PALLD: variants seen among roughly 807,000 people sequenced by gnomAD.
PALLD encodes palladin.
PALLD carries 61 observed loss-of-function variants against 123.5 expected under a neutral mutation model. The ratio of observed to expected loss-of-function variants is 0.49; its 90% CI spans 0.40 to 0.61. PALLD has a LOEUF of 0.61. PALLD is among the 20% of genes least tolerant of loss of function. The probability of loss-of-function intolerance (pLI) is 0.00; values close to 1 mark genes in which losing one functional copy is unlikely to be tolerated. For synonymous variants in PALLD, 465 were observed against 496.4 expected (o/e 0.94, Z 0.84); for missense variants, 1,273 against 1,377.0 (o/e 0.92, Z 1.20).
chr4:168,690,669 C>G lies in PALLD; in HGVS notation c.1402C>G (p.Pro468Ala), dbSNP rs1580988239. Residue 468 changes from proline to alanine, a missense_variant, in exon 7 of 22, where the codon CCC becomes GCC. Physicochemically the swap from Pro to Ala is conservative, Grantham distance 27 (BLOSUM62 -1). This residue lies in a region of PALLD where 944 missense variants were observed against 954.5 expected (regional missense o/e 0.99). Coordinates refer to ENST00000505667, the MANE Select transcript of PALLD (RefSeq NM_001166108.2). The stretch of plus-strand genomic sequence containing the variant: ...TCTGGAGTGCCGGGTCCGTGGGGCA[C>G]CCCCTCTGCAGGTCCAGTGGTTTCG... ...VVLECRVRGA[P>A]PLQVQWFRQG... 13 of 1,614,046 alleles carry G rather than the reference C, an allele frequency of 8.1e-6. No individual in the cohort carries two copies. Among genetic ancestry groups the G allele is most frequent in the Non-Finnish European group, 1.1e-5 (13 of 1,179,906 alleles).
chr4:168,899,677 G>A (rs1363038868), intron 14 of PALLD, among the ~76,000 whole-genome samples: 3 of 152,134 alleles, frequency 2.0e-5, no homozygotes, highest in Non-Finnish European at 2.9e-5. Flanking sequence ...AGCATTTTGC[G>A]AGGCCGAGAT....
intron 10 of PALLD, among the ~76,000 whole-genome samples, chr4:168,867,090 G>A (rs1014244785): frequency 2.0e-5 from 3 of 152,190 alleles, no homozygotes; most frequent in Non-Finnish European, 2.9e-5. Flanking sequence ...CTTTCCAGCT[G>A]CATAATCTTG....
At chr4:168,518,559 A>T (rs1203832624) in intron 2 of PALLD, among the ~76,000 whole-genome samples, 1 of 152,080 alleles carries the variant, frequency 6.6e-6, no homozygotes, top group Non-Finnish European at 1.5e-5. Flanking sequence ...GGGCCTGTGT[A>T]CTTTCTGCTC....
intron 10 of PALLD, among the ~76,000 whole-genome samples, chr4:168,746,380 C>CAAAAAAAAAAAAAAAAAA (rs747755592): frequency 3.0e-4 from 11 of 37,018 alleles, no homozygotes; most frequent in African/African-American, 7.7e-4. Flanking sequence ...GAACCCGTCT[C>CAAAAAAAAAAAAAAAAAA]AAAAAAAAAA....
chr4:168,819,780 A>G (rs10005789), intron 10 of PALLD, among the ~76,000 whole-genome samples: 74,609 of 152,136 alleles, frequency 0.49, 20,120 homozygotes, highest in Non-Finnish European at 0.63. Flanking sequence ...AGAAGTAAAT[A>G]TATATTTATA....
intron 2 of PALLD, among the ~76,000 whole-genome samples, chr4:168,565,851 T>C (rs1246584384): frequency 6.6e-6 from 1 of 152,238 alleles, no homozygotes; most frequent in Non-Finnish European, 1.5e-5. Flanking sequence ...CATATTTTTT[T>C]AATGCTCCAT....
intron 10 of PALLD, among the ~76,000 whole-genome samples, chr4:168,775,259 C>T (rs931540709): frequency 2.0e-5 from 3 of 152,124 alleles, no homozygotes; most frequent in Non-Finnish European, 4.4e-5. Flanking sequence ...AGTAGAATTT[C>T]ATCGTGGTTT....
rs545671615 is a variant in PALLD, at chr4:168,858,513, G to T, written c.1965-32409G>T. ...CAGAAGATTGTATTAACTTTCCAGA[G>T]TGCTCACGCCTGTCATCCCAGCACT... is the stretch of plus-strand genomic sequence containing the variant. On this transcript the variant is annotated intron_variant, in intron 10 of 21. Coordinates refer to ENST00000505667, the MANE Select transcript of PALLD (RefSeq NM_001166108.2). Among the ~76,000 whole-genome samples, 7 of 152,228 alleles carry T rather than the reference G, an allele frequency of 4.6e-5. No homozygotes were observed. The South Asian group carries it at 1.5e-3, about 32-fold the overall frequency.
intron 5 of PALLD, 48 bp downstream of exon 5, chr4:168,683,151 A>T (rs754858882): frequency 9.9e-7 from 1 of 1,012,072 alleles, no homozygotes; most frequent in South Asian, 1.3e-5. Context: ...ACTCATCAGC[A>T]AACTTGTGGA....
chr4:168,742,357 C>G (rs978758698), intron 10 of PALLD, among the ~76,000 whole-genome samples: 14 of 152,170 alleles, frequency 9.2e-5, no homozygotes, highest in Non-Finnish European at 1.9e-4. Flanking sequence ...TCTCTGACCT[C>G]TGGGTTGATA....
chr4:168,757,436 A>G (rs1210236789), intron 10 of PALLD, among the ~76,000 whole-genome samples: 2 of 152,264 alleles, frequency 1.3e-5, no homozygotes, highest in Non-Finnish European at 2.9e-5. Context: ...CATCATTTGT[A>G]TCCAATGCCC....
chr4:168,800,493 A>G (rs1046277451), intron 10 of PALLD, among the ~76,000 whole-genome samples: 3 of 152,222 alleles, frequency 2.0e-5, no homozygotes, highest in Non-Finnish European at 4.4e-5. Context: ...TCAAATGGCT[A>G]ATAAACATGA....
intron 10 of PALLD, among the ~76,000 whole-genome samples, chr4:168,838,784 G>C (rs1416830102): frequency 7.1e-6 from 1 of 139,902 alleles, no homozygotes; most frequent in Non-Finnish European, 1.5e-5. Context: ...CTACACACTT[G>C]TCCAGAAATT....
At chr4:168,919,398 G>A (rs535952154) in intron 17 of PALLD, among the ~76,000 whole-genome samples, 10 of 152,010 alleles carry the variant, frequency 6.6e-5, no homozygotes, top group Non-Finnish European at 1.0e-4. Context: ...GGTGGCAGGC[G>A]CCTGTAATCC....
At chr4:168,904,247 A>T in intron 15 of PALLD, 1 of 274,800 alleles carries the variant, frequency 3.6e-6, no homozygotes, top group Admixed American at 4.5e-5. Context: ...TTCAGGTAGG[A>T]TTACATGAAG....
In PALLD at chr4:168,926,768, G is replaced by T; in HGVS notation, c.*588G>T. The stretch of plus-strand genomic sequence containing the variant: ...CCTGATAGTGTGAAATGTTTAATGA[G>T]GGAGTTGTACCACAAACAGTACTAC... On this transcript the variant is annotated 3_prime_UTR_variant, in exon 22 of 22. Coordinates refer to ENST00000505667, the MANE Select transcript of PALLD (RefSeq NM_001166108.2). The T allele has an allele frequency of 4.1e-6, 1 of 246,642 alleles. No homozygotes were observed. Among genetic ancestry groups the T allele is most frequent in the Non-Finnish European group, 7.9e-6 (1 of 126,296 alleles). The allele number at this position is 246,642 out of a possible 1,614,324, so 15.3% of individuals were successfully genotyped here.
intron 10 of PALLD, among the ~76,000 whole-genome samples, chr4:168,794,014 C>G (rs762629070): frequency 3.3e-5 from 5 of 152,222 alleles, no homozygotes; most frequent in Non-Finnish European, 7.3e-5. Context: ...TCCTCTCTGG[C>G]TGTCCCCAGC....
At chr4:168,813,898 C>T (rs186082684) in intron 10 of PALLD, among the ~76,000 whole-genome samples, 60 of 152,252 alleles carry the variant, frequency 3.9e-4, no homozygotes, top group African/African-American at 1.4e-3. Context: ...ACCTTCTCCC[C>T]ACATCTCTGA....
chr4:168,780,828 C>G (rs1039409849), intron 10 of PALLD, among the ~76,000 whole-genome samples: 4 of 134,568 alleles, frequency 3.0e-5, no homozygotes, highest in Admixed American at 2.9e-4. Flanking sequence ...GCTGGGACTG[C>G]AGGCACCTGC....
Sources: allele counts gnomAD v4.1 joint callset (sites outside exome capture counted in the v4.1 genomes callset), GRCh38; gene constraint gnomAD v4.1.1; regional missense constraint gnomAD v4.1.1; transcripts MANE v1.5; gene names NCBI Gene and HGNC (gene_info 2026-07-23, HGNC 2026-07-21).